The following CTNNA2 variants were observed in gnomAD, a reference collection of about 807,000 sequenced individuals.
CTNNA2 encodes the protein catenin alpha 2.
In CTNNA2, 42 loss-of-function variants were observed where a neutral mutation model predicts 101.0. The ratio of observed to expected loss-of-function variants is 0.42; its 90% CI spans 0.32 to 0.54. CTNNA2 has a LOEUF of 0.54. Ranked by LOEUF, CTNNA2 falls within the 20% of genes least tolerant of loss-of-function variation. The pLI is 0.14. For missense variants in CTNNA2, 871 were observed against 1,223.1 expected, an observed-to-expected ratio of 0.71 and a Z score of 4.29; for synonymous variants, 450 against 456.4, an observed-to-expected ratio of 0.99 and a Z score of 0.18.
intron 9 of CTNNA2, among the ~76,000 whole-genome samples, chr2:80,506,776 G>C (rs192199766): frequency 7.2e-5 from 11 of 152,296 alleles, no homozygotes; most frequent in Admixed American, 2.6e-4. Context: ...GGATGGACAA[G>C]AGTTAAAGCA....
intron 12 of CTNNA2, among the ~76,000 whole-genome samples, chr2:80,563,671 C>G (rs1049575893): frequency 3.3e-5 from 5 of 152,156 alleles, no homozygotes; most frequent in Non-Finnish European, 2.9e-5. Context: ...GCCCATCCCA[C>G]TTGGCTCCTG....
At chr2:79,461,902 A>G (rs2104536309) in intron 4 of CTNNA2, among the ~76,000 whole-genome samples, 1 of 152,154 alleles carries the variant, frequency 6.6e-6, no homozygotes, top group East Asian at 1.9e-4. Flanking sequence ...AACTAACAAT[A>G]CTAGATAGAG....
At chr2:80,313,672 G>T (rs768085514) in intron 7 of CTNNA2, 29 of 1,579,444 alleles carry the variant, frequency 1.8e-5, no homozygotes, top group Non-Finnish European at 2.3e-5. Context: ...GGAGAAGGGG[G>T]TAAGAAAGGA....
At chr2:80,000,342 C>G (rs185875917) in intron 7 of CTNNA2, among the ~76,000 whole-genome samples, 1 of 152,248 alleles carries the variant, frequency 6.6e-6, no homozygotes, top group Admixed American at 6.5e-5. Flanking sequence ...TTTGCAGTTT[C>G]TGACAATACA....
At position 79,762,318 on chromosome 2, in the gene CTNNA2, CG is replaced by C. The variant is rs112282061; in HGVS notation, c.298+17738del. The stretch of plus-strand genomic sequence containing the variant: ...AGCAGGCCAAGAGTCGGGAAAGACA[CG>C]GAAAACAAGGCAAGATACGAGCATT... On this transcript the variant is annotated intron_variant, in intron 3 of 18. Coordinates refer to ENST00000402739, the MANE Select transcript of CTNNA2 (RefSeq NM_001282597.3). Among the ~76,000 whole-genome samples the C allele has an allele frequency of 2.4e-3, 359 of 152,212 alleles. 4 individuals are homozygous for C. Among genetic ancestry groups the C allele is most frequent in the African/African-American group, 8.4e-3 (347 of 41,528 alleles).
intron 7 of CTNNA2, among the ~76,000 whole-genome samples, chr2:80,133,903 A>T (rs1702550854): frequency 6.6e-6 from 1 of 152,226 alleles, no homozygotes; most frequent in African/African-American, 2.4e-5. Context: ...GATAGTTGAG[A>T]AAGTTAATCA....
chr2:80,466,181 A>G (rs1052947077), intron 9 of CTNNA2, among the ~76,000 whole-genome samples: 8 of 152,184 alleles, frequency 5.3e-5, no homozygotes, highest in Non-Finnish European at 8.8e-5. Flanking sequence ...ATTCTAGCGT[A>G]TAAAGTAATA....
intron 7 of CTNNA2, among the ~76,000 whole-genome samples, chr2:80,183,697 G>A (rs941200882): frequency 6.6e-6 from 1 of 152,126 alleles, no homozygotes; most frequent in African/African-American, 2.4e-5. Flanking sequence ...TTATCATTCA[G>A]ATGCAAAATA....
chr2:79,756,130 G>A (rs1458420365), intron 3 of CTNNA2, among the ~76,000 whole-genome samples: 1 of 151,394 alleles, frequency 6.6e-6, no homozygotes, highest in Non-Finnish European at 1.5e-5. Flanking sequence ...GAAGATAATG[G>A]CATATTATTC....
At chr2:80,090,901 C>A (rs1573044802) in intron 7 of CTNNA2, among the ~76,000 whole-genome samples, 1 of 151,978 alleles carries the variant, frequency 6.6e-6, no homozygotes, top group East Asian at 1.9e-4. Flanking sequence ...ATTGGATTTT[C>A]TGGAGAAGAT....
At chr2:80,120,016 C>CT (rs1315414994) in intron 7 of CTNNA2, among the ~76,000 whole-genome samples, 1 of 152,220 alleles carries the variant, frequency 6.6e-6, no homozygotes, top group Non-Finnish European at 1.5e-5. Flanking sequence ...TGGTCAGTCA[C>CT]TGTGCTGATA....
At chr2:79,566,140 T>C (rs1396578211) in intron 1 of CTNNA2, among the ~76,000 whole-genome samples, 1 of 152,132 alleles carries the variant, frequency 6.6e-6, no homozygotes, top group Non-Finnish European at 1.5e-5. Context: ...TAAATATTAA[T>C]TGAAACAACA....
chr2:79,198,658 T>C (rs1171288043), intron 2 of CTNNA2, among the ~76,000 whole-genome samples: 1 of 152,236 alleles, frequency 6.6e-6, no homozygotes, highest in Non-Finnish European at 1.5e-5. Context: ...GCTCTTTTGC[T>C]TTTTGGTTAA....
At chr2:79,972,918 C>G (rs629451) in intron 7 of CTNNA2, among the ~76,000 whole-genome samples, 3,167 of 152,214 alleles carry the variant, frequency 0.021, 54 homozygotes, top group Admixed American at 0.032. Context: ...CTTTTAGCTC[C>G]TCTCTGCCTG....
chr2:79,626,444 C>G (rs1015876940), intron 1 of CTNNA2, among the ~76,000 whole-genome samples: 2 of 152,146 alleles, frequency 1.3e-5, no homozygotes, highest in African/African-American at 4.8e-5. Flanking sequence ...TGAAATTTCA[C>G]CGTTCCGTTC....
chr2:80,538,703 T>C (rs1346154364), intron 9 of CTNNA2, among the ~76,000 whole-genome samples: 1 of 152,228 alleles, frequency 6.6e-6, no homozygotes, highest in East Asian at 1.9e-4. Context: ...GTCTTGGCTA[T>C]ACAGGCTCTT....
intron 7 of CTNNA2, among the ~76,000 whole-genome samples, chr2:80,216,304 T>C (rs1439439585): frequency 6.6e-6 from 1 of 152,162 alleles, no homozygotes; most frequent in African/African-American, 2.4e-5. Context: ...GGTACCTCAA[T>C]TGGAAATGCA....
At position 79,818,194 on chromosome 2, in the gene CTNNA2, T is replaced by C. The variant is rs188316527; in HGVS notation, c.299-39819T>C. On this transcript the variant is annotated intron_variant, in intron 3 of 18. Transcript: ENST00000402739. ...TTTTTTGGAAGAAGGAAGTTTGCTC[T>C]TTGTTCACTTTCATATTATTCATTT... Among the ~76,000 whole-genome samples, 92 of 152,338 alleles carry C rather than the reference T, an allele frequency of 6.0e-4. No individual in the cohort carries two copies. The South Asian group carries it at 0.019, about 31-fold the overall frequency.
chr2:80,126,051 A>G (rs1702089391), intron 7 of CTNNA2, among the ~76,000 whole-genome samples: 1 of 152,158 alleles, frequency 6.6e-6, no homozygotes, highest in African/African-American at 2.4e-5. Context: ...CTTGCCTGAT[A>G]TAAACATTTC....
Sources: allele counts gnomAD v4.1 joint callset (sites outside exome capture counted in the v4.1 genomes callset), GRCh38; gene constraint gnomAD v4.1.1; transcripts MANE v1.5; gene names NCBI Gene and HGNC (gene_info 2026-07-23, HGNC 2026-07-21).